The following TGFB2 variants were observed in gnomAD, a reference collection of about 807,000 sequenced individuals.
TGFB2 encodes transforming growth factor beta 2, also known as transforming growth factor beta-2 proprotein.
In TGFB2, 13 loss-of-function variants were observed where a neutral mutation model predicts 42.7. That is an observed-to-expected ratio of 0.30 (90% confidence interval 0.20 to 0.48). The LOEUF (loss-of-function observed/expected upper bound fraction) is 0.48. Among genes scored for constraint, TGFB2 ranks in the 20% least tolerant of loss-of-function variants. The pLI is 0.99. For missense variants in TGFB2, 390 were observed against 517.5 expected, an observed-to-expected ratio of 0.75 and a Z score of 2.39; for synonymous variants, 193 against 193.6, an observed-to-expected ratio of 1.00 and a Z score of 0.03.
At chr1:218,412,977 C>T (rs2102603026) in intron 2 of TGFB2, among the ~76,000 whole-genome samples, 1 of 152,338 alleles carries the variant, frequency 6.6e-6, no homozygotes, top group Non-Finnish European at 1.5e-5. Flanking sequence ...CTGATAGTCT[C>T]AGGTGTCTCC....
At chr1:218,355,406 T>C (rs929553155) in intron 1 of TGFB2, among the ~76,000 whole-genome samples, 1 of 152,214 alleles carries the variant, frequency 6.6e-6, no homozygotes, top group African/African-American at 2.4e-5. Context: ...TCTCAAAGGC[T>C]GAAATGGAAG....
At chr1:218,364,734 G>A (rs1657331591) in intron 1 of TGFB2, among the ~76,000 whole-genome samples, 1 of 152,126 alleles carries the variant, frequency 6.6e-6, no homozygotes, top group African/African-American at 2.4e-5. Flanking sequence ...CCTAAGCTGG[G>A]GTTTCCTCAA....
intron 1 of TGFB2, among the ~76,000 whole-genome samples, chr1:218,397,794 C>T (rs1156627027): frequency 6.6e-6 from 1 of 152,122 alleles, no homozygotes; most frequent in Non-Finnish European, 1.5e-5. Context: ...TTGTAAGCCT[C>T]GTTTAGCTTT....
chr1:218,434,490 C>A, intron 4 of TGFB2, 42 bp downstream of exon 4: 1 of 1,250,214 alleles, frequency 8.0e-7, no homozygotes, highest in South Asian at 1.2e-5. Context: ...AGGGAAGGGT[C>A]TATATTGATA....
intron 6 of TGFB2, among the ~76,000 whole-genome samples, chr1:218,439,731 G>A (rs1320263619): frequency 2.0e-5 from 3 of 152,100 alleles, no homozygotes; most frequent in Non-Finnish European, 4.4e-5. Context: ...CTGTAATGTG[G>A]GCAAGGCCCT....
At chr1:218,406,047 T>C (rs1658900384) in intron 2 of TGFB2, among the ~76,000 whole-genome samples, 1 of 152,166 alleles carries the variant, frequency 6.6e-6, no homozygotes, top group African/African-American at 2.4e-5. Context: ...TCCTTTTCTA[T>C]GATTTTCTCT....
chr1:218,390,138 C>A (rs1291750372), intron 1 of TGFB2, among the ~76,000 whole-genome samples: 1 of 152,122 alleles, frequency 6.6e-6, no homozygotes, highest in African/African-American at 2.4e-5. Context: ...TTTCAGGAAG[C>A]ACAGAACAGC....
chr1:218,390,038 A>G (rs1025676344), intron 1 of TGFB2, among the ~76,000 whole-genome samples: 2 of 152,314 alleles, frequency 1.3e-5, no homozygotes, highest in Middle Eastern at 3.4e-3. Context: ...CCACTCCACT[A>G]TGGTGCTCTA....
intron 1 of TGFB2, among the ~76,000 whole-genome samples, chr1:218,392,353 AAAACAAACAAAC>A (rs753703983): frequency 6.6e-6 from 1 of 152,142 alleles, no homozygotes; most frequent in East Asian, 1.9e-4. Flanking sequence ...ACTCCGTCTC[AAAACAAACAAAC>A]AAACAAACAA....
At chr1:218,347,162 C>A in intron 1 of TGFB2, 115 bp downstream of exon 1, 1 of 923,494 alleles carries the variant, frequency 1.1e-6, no homozygotes. Flanking sequence ...CGCTCTTTTC[C>A]CGTTCTCCTG....
chr1:218,408,827 A>T (rs1659000695), intron 2 of TGFB2, among the ~76,000 whole-genome samples: 1 of 152,204 alleles, frequency 6.6e-6, no homozygotes. Flanking sequence ...TTTGTGGAAT[A>T]CAATTTTTCC....
chr1:218,390,613 A>G (rs1658288873), intron 1 of TGFB2, among the ~76,000 whole-genome samples: 1 of 152,150 alleles, frequency 6.6e-6, no homozygotes, highest in Non-Finnish European at 1.5e-5. Flanking sequence ...TAAACATTTT[A>G]AAGTACTTAG....
intron 2 of TGFB2, among the ~76,000 whole-genome samples, chr1:218,426,082 G>A (rs1004239958): frequency 3.3e-5 from 5 of 152,124 alleles, no homozygotes; most frequent in African/African-American, 1.2e-4. Context: ...AACAAGATGG[G>A]CCCACACTAA....
chr1:218,357,599 ATGTT>A (rs1657080933), intron 1 of TGFB2, among the ~76,000 whole-genome samples: 2 of 152,226 alleles, frequency 1.3e-5, no homozygotes, highest in Non-Finnish European at 1.5e-5. Context: ...TAAGTCAGAA[ATGTT>A]TGGCTTAGAT....
intron 2 of TGFB2, among the ~76,000 whole-genome samples, chr1:218,418,210 AG>A (rs1659343211): frequency 6.6e-6 from 1 of 152,214 alleles, no homozygotes; most frequent in Non-Finnish European, 1.5e-5. Flanking sequence ...TACCTTGCAA[AG>A]CCATGGGGGC....
At chr1:218,413,229 T>C (rs1051781832) in intron 2 of TGFB2, among the ~76,000 whole-genome samples, 2 of 152,042 alleles carry the variant, frequency 1.3e-5, no homozygotes, top group African/African-American at 4.8e-5. Flanking sequence ...AAAAATTAGC[T>C]GGGCGCGGTG....
chr1:218,387,926 A>G (rs895719149), intron 1 of TGFB2, among the ~76,000 whole-genome samples: 3 of 152,158 alleles, frequency 2.0e-5, no homozygotes, highest in Non-Finnish European at 4.4e-5. Flanking sequence ...CATGAAGTTC[A>G]TGTCTTTTTC....
At chr1:218,403,207 GT>G (rs58708197) in intron 1 of TGFB2, among the ~76,000 whole-genome samples, 18,952 of 152,038 alleles carry the variant, frequency 0.12, 1,843 homozygotes, top group African/African-American at 0.27. Context: ...ATTTTTTGGG[GT>G]TTTTTTGTTT....
intron 1 of TGFB2, among the ~76,000 whole-genome samples, chr1:218,350,428 T>C (rs1656834508): frequency 1.3e-5 from 2 of 152,218 alleles, no homozygotes; most frequent in South Asian, 4.1e-4. Context: ...CTAACCATCC[T>C]ATAATGCATA....
Sources: gnomAD v4.1 joint callset for allele counts (sites outside exome capture counted in the v4.1 genomes callset) on GRCh38, gnomAD v4.1.1 for gene constraint, MANE v1.5 for transcripts, NCBI Gene and HGNC (gene_info 2026-07-23, HGNC 2026-07-21) for gene names.